Variants in MAP6 observed in about 807,000 individuals in gnomAD.
MAP6 encodes the protein microtubule-associated protein 6.
A neutral mutation model predicts 42.4 loss-of-function variants in MAP6; 26 were observed. The observed-to-expected ratio is 0.61, with a 90% confidence interval of 0.45 to 0.85. The LOEUF (loss-of-function observed/expected upper bound fraction) is 0.85, where lower values mean the gene tolerates loss of function less well. Ranked by LOEUF, MAP6 falls within the 40% of genes least tolerant of loss-of-function variation. The probability of loss-of-function intolerance (pLI) is 0.00; values close to 1 mark genes in which losing one functional copy is unlikely to be tolerated. For missense variants in MAP6, 966 were observed against 1,099.0 expected (o/e 0.88, Z 1.71); for synonymous variants, 418 against 443.8 (o/e 0.94, Z 0.73).
Position 75,667,494 on chromosome 11 carries a change from C to T in MAP6, c.876G>A (p.Glu292=). The T allele has an allele frequency of 2.0e-6, 3 of 1,510,438 alleles. No individual in the cohort carries two copies. Among genetic ancestry groups the T allele is most frequent in the Non-Finnish European group, 2.6e-6 (3 of 1,138,420 alleles). 93.6% of individuals were successfully genotyped at this position (1,510,438 alleles called of 1,614,324 possible). A position where few individuals can be genotyped will look rare whatever the true frequency, so the allele number is the denominator to read the frequency against. ...AGGAGCTGCTCACTGCACTCGCCAC[C>T]TCCTCGCGGATTTGCCGGTTGAGGG... ...ADALNRQIRE[E]VASAVSSSYR... Residue 292 remains glutamate, a synonymous_variant, in exon 1 of 4, where the codon GAG becomes GAA. Coordinates refer to ENST00000304771, the MANE Select transcript of MAP6 (RefSeq NM_033063.2). This position sits in a 1 kb window ranked among gnomAD's most constrained non-coding sequence, Gnocchi z 5.6.
At chr11:75,649,589 A>G (rs992923814) in intron 1 of MAP6, among the ~76,000 whole-genome samples, 1 of 152,080 alleles carries the variant, frequency 6.6e-6, no homozygotes, top group African/African-American at 2.4e-5. Context: ...CCCAGGCTGG[A>G]GTGCAGTGGT....
chr11:75,666,337 A>G (rs1943945391), intron 1 of MAP6, among the ~76,000 whole-genome samples: 1 of 152,198 alleles, frequency 6.6e-6, no homozygotes, highest in Non-Finnish European at 1.5e-5. Flanking sequence ...GAAGGGCAAG[A>G]AAGCAGACTG....
intron 1 of MAP6, among the ~76,000 whole-genome samples, chr11:75,623,771 G>A (rs118108257): frequency 0.036 from 5,516 of 152,226 alleles, 135 homozygotes; most frequent in South Asian, 0.057. Context: ...GTGCAGTGGC[G>A]CTATCTCGGC....
chr11:75,658,503 A>G (rs1943790735), intron 1 of MAP6, among the ~76,000 whole-genome samples: 1 of 152,064 alleles, frequency 6.6e-6, no homozygotes, highest in Non-Finnish European at 1.5e-5. Context: ...TATTCTTATC[A>G]GCACTTGCTT....
chr11:75,603,804 T>G, intron 3 of MAP6: 1 of 985,378 alleles, frequency 1.0e-6, no homozygotes, highest in Non-Finnish European at 1.2e-6. Context: ...TGATCCCCTG[T>G]GCATTGTAAA....
chr11:75,622,061 C>A (rs1358178813), intron 1 of MAP6, among the ~76,000 whole-genome samples: 4 of 151,512 alleles, frequency 2.6e-5, no homozygotes, highest in African/African-American at 4.9e-5. Flanking sequence ...AACAAAAAAA[C>A]CCAATAAAGG....
chr11:75,605,755 T>G, intron 3 of MAP6, 53 bp downstream of exon 3: 2 of 1,569,526 alleles, frequency 1.3e-6, no homozygotes, highest in Non-Finnish European at 8.6e-7. Flanking sequence ...AAAAAAAAAG[T>G]TGGGGGGAGG....
intron 2 of MAP6, chr11:75,607,116 G>A (rs1461132989): frequency 2.9e-5 from 16 of 551,784 alleles, no homozygotes; most frequent in East Asian, 2.9e-4. Context: ...GGAACCAATC[G>A]TCCTGGTTTG....
At chr11:75,602,559 T>A (rs1942681028) in intron 3 of MAP6, among the ~76,000 whole-genome samples, 1 of 152,134 alleles carries the variant, frequency 6.6e-6, no homozygotes, top group Non-Finnish European at 1.5e-5. Context: ...GAGCCCAGCC[T>A]CCCAGTGTGG....
chr11:75,633,182 A>G (rs1201326290), intron 1 of MAP6, among the ~76,000 whole-genome samples: 1 of 152,116 alleles, frequency 6.6e-6, no homozygotes, highest in Non-Finnish European at 1.5e-5. Flanking sequence ...TTATTCCATT[A>G]AGTATATGCT....
At position 75,618,979 on chromosome 11, in the gene MAP6, G is replaced by A. The variant is rs561128267; in HGVS notation, c.906-10657C>T. On this transcript the variant is annotated intron_variant, in intron 1 of 3. Transcript: ENST00000304771. ...CTCCTGCCCCACAAAGGACTAGGCCGGCTGAGGGGGAGTGGGTGGGAGGGA... is the reference window on the plus strand; with the variant it reads ...CTCCTGCCCCACAAAGGACTAGGCCAGCTGAGGGGGAGTGGGTGGGAGGGA... 2.7e-4 allele frequency among the ~76,000 whole-genome samples: 41 copies of A among 152,306 alleles called. No individual in the cohort carries two copies. In the East Asian group the frequency reaches 2.9e-3, roughly 11 times the overall value.
chr11:75,624,399 C>T (rs1308920232), intron 1 of MAP6, among the ~76,000 whole-genome samples: 4 of 152,108 alleles, frequency 2.6e-5, no homozygotes, highest in Admixed American at 2.0e-4. Flanking sequence ...GAGGGGTGGG[C>T]GGCACTTACA....
chr11:75,667,884 G>T lies in MAP6; in HGVS notation c.486C>A (p.Ala162=). 1 of 1,448,562 alleles carries T rather than the reference G, an allele frequency of 6.9e-7. No homozygotes were observed. Among genetic ancestry groups the T allele is most frequent in the Non-Finnish European group, 9.1e-7 (1 of 1,098,176 alleles). The allele number at this position is 1,448,562 out of a possible 1,614,324, so 89.7% of individuals were successfully genotyped here. A position where few individuals can be genotyped will look rare whatever the true frequency, so the allele number is the denominator to read the frequency against. ...RETQYQKDFR[A]WPLPRRGDHP... is the part of the protein sequence containing the mutation. Reference sequence around the variant, plus strand: ...GGTCCCCGCGGCGCGGCAGCGGCCAGGCGCGGAAGTCCTTCTGGTACTGGG... The same window carrying T: ...GGTCCCCGCGGCGCGGCAGCGGCCATGCGCGGAAGTCCTTCTGGTACTGGG... The change falls in exon 1 of 4, where the codon GCC becomes GCA. Residue 162 remains alanine, a synonymous_variant. Transcript: ENST00000304771. The surrounding 1 kb of genome is among the most constrained non-coding windows in gnomAD (Gnocchi z 5.6).
Position 75,603,219 on chromosome 11 carries a change from C to T in MAP6, c.1316+2589G>A, listed in dbSNP as rs1480877014. On this transcript the variant is annotated intron_variant, in intron 3 of 3. Transcript: ENST00000304771. The stretch of plus-strand genomic sequence containing the variant: ...TGCAGGCAGGGAAACAGCGGGAAAG[C>T]TTCAGTCCCAGCTCCCTCGCCAGGG... 4.1e-6 allele frequency: 4 copies of T among 985,396 alleles called. No individual in the cohort carries two copies. The African/African-American group carries it at 7.0e-5, about 17-fold the overall frequency. The allele number at this position is 985,396 out of a possible 1,614,324, so 61.0% of individuals were successfully genotyped here.
At chr11:75,663,639 G>A (rs1005318374) in intron 1 of MAP6, among the ~76,000 whole-genome samples, 1 of 152,190 alleles carries the variant, frequency 6.6e-6, no homozygotes, top group Non-Finnish European at 1.5e-5. Context: ...AAAGTAAAAA[G>A]GGAATAGAAG....
intron 1 of MAP6, among the ~76,000 whole-genome samples, chr11:75,610,942 C>T (rs1459876713): frequency 6.6e-6 from 1 of 152,128 alleles, no homozygotes; most frequent in Non-Finnish European, 1.5e-5. Context: ...CACGGCATCC[C>T]ACACACCCCA....
chr11:75,666,548 C>G (rs1487226550), intron 1 of MAP6, among the ~76,000 whole-genome samples: 1 of 151,970 alleles, frequency 6.6e-6, no homozygotes, highest in Non-Finnish European at 1.5e-5. Context: ...AGGCTGGAGG[C>G]ACCTAGGAAG....
At position 75,597,806 on chromosome 11, in the gene MAP6, G is replaced by A. The variant is rs561856498; in HGVS notation, c.1316+8002C>T. 7.2e-5 allele frequency among the ~76,000 whole-genome samples: 11 copies of A among 152,336 alleles called. No homozygotes were observed. The South Asian group carries it at 8.3e-4, about 11-fold the overall frequency. ...GGGGCCAGATGAAAGGCTGGGGGAC[G>A]GGAAGAGGCAGCAAGAGCCAACACT... On this transcript the variant is annotated intron_variant, in intron 3 of 3. Coordinates refer to ENST00000304771, the MANE Select transcript of MAP6 (RefSeq NM_033063.2).
chr11:75,630,369 G>A (rs963805880), intron 1 of MAP6, among the ~76,000 whole-genome samples: 5 of 152,184 alleles, frequency 3.3e-5, no homozygotes, highest in African/African-American at 1.2e-4. Flanking sequence ...TGTTTGGCAG[G>A]AATCACCAGC....
Sources: gnomAD v4.1 joint callset for allele counts (sites outside exome capture counted in the v4.1 genomes callset) on GRCh38, gnomAD v4.1.1 for gene constraint, Gnocchi (gnomAD v3.1) non-coding constraint, MANE v1.5 for transcripts, NCBI Gene and HGNC (gene_info 2026-07-23, HGNC 2026-07-21) for gene names.